Variants in STXBP5L observed in about 807,000 individuals in gnomAD.
The protein encoded by STXBP5L is syntaxin binding protein 5L.
In STXBP5L, 65 loss-of-function variants were observed where a neutral mutation model predicts 144.5. The observed-to-expected ratio is 0.45, with a 90% CI of 0.37 to 0.55. STXBP5L has a LOEUF of 0.55. STXBP5L is among the 20% of genes least tolerant of loss of function. STXBP5L has a pLI of 0.00. For synonymous variants in STXBP5L, 505 were observed against 469.6 expected (o/e 1.08, Z -0.97); for missense variants, 1,298 against 1,405.5 (o/e 0.92, Z 1.22).
chr3:121,393,157 AT>A (rs1426666155), intron 22 of STXBP5L, among the ~76,000 whole-genome samples: 16 of 145,972 alleles, frequency 1.1e-4, no homozygotes, highest in Non-Finnish European at 2.3e-4. Context: ...TATGGTTTTA[AT>A]TTTCATTTCT....
intron 3 of STXBP5L, among the ~76,000 whole-genome samples, chr3:121,020,745 A>G (rs1280108331): frequency 1.3e-5 from 2 of 152,102 alleles, no homozygotes; most frequent in African/African-American, 4.8e-5. Flanking sequence ...CAGCACCACA[A>G]GAACTGCTAA....
chr3:120,925,525 C>A (rs1356985823), intron 2 of STXBP5L, among the ~76,000 whole-genome samples: 2 of 152,114 alleles, frequency 1.3e-5, no homozygotes, highest in Non-Finnish European at 2.9e-5. Flanking sequence ...CTTTTTCCAC[C>A]CCTTCAGTTT....
chr3:120,919,912 C>G (rs934825832), intron 2 of STXBP5L, among the ~76,000 whole-genome samples: 1 of 151,270 alleles, frequency 6.6e-6, no homozygotes, highest in Non-Finnish European at 1.5e-5. Flanking sequence ...TTTTTTTGCT[C>G]CCTGTCTCTT....
At chr3:121,156,416 G>T (rs554606410) in intron 8 of STXBP5L, among the ~76,000 whole-genome samples, 1 of 151,946 alleles carries the variant, frequency 6.6e-6, no homozygotes, top group Non-Finnish European at 1.5e-5. Context: ...TTAAGGAAAA[G>T]ATGTTGTATG....
chr3:120,978,162 C>T (rs1466275369), intron 3 of STXBP5L, among the ~76,000 whole-genome samples: 1 of 152,184 alleles, frequency 6.6e-6, no homozygotes, highest in African/African-American at 2.4e-5. Flanking sequence ...TTCCATTCTC[C>T]CTGTCACTTT....
chr3:121,367,301 C>T (rs1331523256), intron 20 of STXBP5L, among the ~76,000 whole-genome samples: 1 of 152,110 alleles, frequency 6.6e-6, no homozygotes, highest in Non-Finnish European at 1.5e-5. Flanking sequence ...CTCCTTTGCA[C>T]ATTTCTTACA....
At chr3:121,415,788 G>C in intron 24 of STXBP5L, 69 bp from the exon 25 acceptor site, 2 of 1,064,692 alleles carry the variant, frequency 1.9e-6, no homozygotes, top group Non-Finnish European at 2.8e-6. Flanking sequence ...CTATATCACA[G>C]TGTTACCTTT....
At position 121,259,046 on chromosome 3, in the gene STXBP5L, G is replaced by A; in HGVS notation, c.1836G>A (p.Val612=). Residue 612 remains valine, a synonymous_variant, in exon 18 of 27, where the codon GTG becomes GTA. Coordinates refer to ENST00000471454, the MANE Select transcript of STXBP5L (RefSeq NM_001308330.2). ...VTKDSIPCLN[V]KTRPVRMPPG... Reference sequence around the variant, plus strand: ...AGGATTGTTTTTGTTCTTAAAGTGTGAAGACACGGCCAGTGCGAATGCCTC... The same window carrying A: ...AGGATTGTTTTTGTTCTTAAAGTGTAAAGACACGGCCAGTGCGAATGCCTC... 2 of 1,592,618 alleles carry A rather than the reference G, an allele frequency of 1.3e-6. No homozygotes were observed. The highest frequency in any genetic ancestry group is 1.7e-6 in the Non-Finnish European group (2 of 1,168,274).
At chr3:120,997,516 G>A (rs1318500079) in intron 3 of STXBP5L, among the ~76,000 whole-genome samples, 2 of 152,076 alleles carry the variant, frequency 1.3e-5, no homozygotes, top group Non-Finnish European at 2.9e-5. Flanking sequence ...TGATTTTAAT[G>A]TGCATTTCTC....
intron 20 of STXBP5L, among the ~76,000 whole-genome samples, chr3:121,358,754 T>G (rs1396460919): frequency 6.6e-6 from 1 of 152,200 alleles, no homozygotes; most frequent in African/African-American, 2.4e-5. Context: ...ATGTTTGTCT[T>G]TTTGTGCCTG....
At chr3:121,365,620 C>T (rs11707293) in intron 20 of STXBP5L, among the ~76,000 whole-genome samples, 73,022 of 151,100 alleles carry the variant, frequency 0.48, 18,151 homozygotes, top group East Asian at 0.71. Flanking sequence ...CAATAATGTC[C>T]CCATTTTCAC....
chr3:120,912,235 T>A (rs1168174204), intron 2 of STXBP5L, among the ~76,000 whole-genome samples: 1 of 152,156 alleles, frequency 6.6e-6, no homozygotes, highest in South Asian at 2.1e-4. Flanking sequence ...TTCATTTTGT[T>A]ACAATAATGG....
intron 19 of STXBP5L, among the ~76,000 whole-genome samples, chr3:121,303,271 G>A (rs2051999952): frequency 3.3e-5 from 5 of 151,988 alleles, no homozygotes; most frequent in Non-Finnish European, 1.5e-5. Context: ...AAAGACACAT[G>A]AAAAAATGCT....
At chr3:121,032,707 A>G (rs1318426055) in intron 3 of STXBP5L, among the ~76,000 whole-genome samples, 1 of 102,126 alleles carries the variant, frequency 9.8e-6, no homozygotes, top group East Asian at 2.5e-4. Context: ...TCTACAATGA[A>G]CTCAAACAAA....
At chr3:120,975,056 G>T (rs559022934) in intron 3 of STXBP5L, among the ~76,000 whole-genome samples, 1 of 152,166 alleles carries the variant, frequency 6.6e-6, no homozygotes, top group African/African-American at 2.4e-5. Context: ...GAACTTTAAA[G>T]TAGTTTTTTC....
At chr3:120,997,072 C>T (rs1307491365) in intron 3 of STXBP5L, among the ~76,000 whole-genome samples, 2 of 152,112 alleles carry the variant, frequency 1.3e-5, no homozygotes, top group Non-Finnish European at 2.9e-5. Context: ...CCTGTGTTGA[C>T]ATGCTTAGTA....
At chr3:121,251,949 C>T (rs2050039486) in intron 15 of STXBP5L, among the ~76,000 whole-genome samples, 1 of 152,192 alleles carries the variant, frequency 6.6e-6, no homozygotes. Flanking sequence ...CAAAGGACAA[C>T]AGACTTTCTG....
chr3:121,134,957 T>A (rs1428216779), intron 7 of STXBP5L, among the ~76,000 whole-genome samples: 1 of 152,244 alleles, frequency 6.6e-6, no homozygotes, highest in East Asian at 1.9e-4. Context: ...TATTTCTAGT[T>A]CTAGATCCTT....
At chr3:121,023,474 A>G (rs1478866562) in intron 3 of STXBP5L, among the ~76,000 whole-genome samples, 2 of 152,192 alleles carry the variant, frequency 1.3e-5, no homozygotes, top group Non-Finnish European at 2.9e-5. Context: ...TGGAGGTATC[A>G]CATTATCCCA....
Sources: gnomAD v4.1 joint callset for allele counts (sites outside exome capture counted in the v4.1 genomes callset) on GRCh38, gnomAD v4.1.1 for gene constraint, MANE v1.5 for transcripts, NCBI Gene and HGNC (gene_info 2026-07-23, HGNC 2026-07-21) for gene names.